The following PHF24 variants were observed in gnomAD, a reference collection of about 807,000 sequenced individuals.
The protein encoded by PHF24 is PHD finger protein 24, also known as Galpha inhibitory interacting protein.
PHF24 carries 25 observed loss-of-function variants against 42.6 expected under a neutral mutation model. The observed-to-expected ratio is 0.59, with a 90% CI of 0.43 to 0.82. The LOEUF (loss-of-function observed/expected upper bound fraction) is 0.82, where lower values mean the gene tolerates loss of function less well. Among genes scored for constraint, PHF24 ranks in the 40% least tolerant of loss-of-function variants. PHF24 has a pLI of 0.00. For synonymous variants in PHF24, 185 were observed against 204.8 expected (o/e 0.90, Z 0.83); for missense variants, 470 against 538.1 (o/e 0.87, Z 1.25).
the PHF24 span, among the ~76,000 whole-genome samples, chr9:34,799,417 C>T: frequency 1.3e-5 from 2 of 152,146 alleles, no homozygotes; most frequent in Non-Finnish European, 2.9e-5. Context: ...TATATAAATA[C>T]TTAATGATAG....
the PHF24 span, among the ~76,000 whole-genome samples, chr9:34,803,744 T>C: frequency 6.6e-6 from 1 of 152,202 alleles, no homozygotes; most frequent in Non-Finnish European, 1.5e-5. Flanking sequence ...CCTATGTCCA[T>C]AAAGCTGGCT....
the PHF24 span, among the ~76,000 whole-genome samples, chr9:34,792,687 AAAG>A: frequency 4.6e-5 from 7 of 152,288 alleles, no homozygotes; most frequent in African/African-American, 1.4e-4. Flanking sequence ...GAAAAAAAAA[AAAG>A]AATCTATGAC....
the PHF24 span, among the ~76,000 whole-genome samples, chr9:34,878,914 C>T: frequency 6.6e-6 from 1 of 152,210 alleles, no homozygotes; most frequent in East Asian, 1.9e-4. Flanking sequence ...CAGACTGCCT[C>T]CTCAAGTGGG....
At chr9:34,788,179 A>T in the PHF24 span, among the ~76,000 whole-genome samples, 2 of 152,054 alleles carry the variant, frequency 1.3e-5, no homozygotes, top group African/African-American at 4.8e-5. Context: ...CTGGGACTAC[A>T]GGTGTGCACC....
chr9:34,850,507 AT>A, the PHF24 span, among the ~76,000 whole-genome samples: 20 of 151,750 alleles, frequency 1.3e-4, no homozygotes, highest in African/African-American at 4.8e-4. Flanking sequence ...ATTTGTCTAA[AT>A]TTTTTTCAAA....
At chr9:34,910,395 TAAGC>T in the PHF24 span, among the ~76,000 whole-genome samples, 1 of 152,194 alleles carries the variant, frequency 6.6e-6, no homozygotes, top group Admixed American at 6.5e-5. Context: ...CTAGTCCAGA[TAAGC>T]AGCCAAAAAT....
At chr9:34,687,845 C>T in the PHF24 span, among the ~76,000 whole-genome samples, 2 of 152,204 alleles carry the variant, frequency 1.3e-5, no homozygotes, top group Non-Finnish European at 2.9e-5. Context: ...AGACCTAGAA[C>T]GCCATGGCTG....
chr9:34,837,586 A>G, the PHF24 span: 5 of 1,257,614 alleles, frequency 4.0e-6, no homozygotes, highest in African/African-American at 6.0e-5. Flanking sequence ...TCCAGGGGTC[A>G]TAGAGGGACA....
At chr9:34,953,580 C>T (rs377273059), upstream of PHF24, among the ~76,000 whole-genome samples, 47 of 152,280 alleles carry the variant, frequency 3.1e-4, no homozygotes, top group African/African-American at 1.1e-3. This position sits in a 1 kb window ranked among gnomAD's most constrained non-coding sequence, Gnocchi z 4.1. Flanking sequence ...GTATTGTTTA[C>T]TGCACCAGGA....
At chr9:34,885,744 T>G in the PHF24 span, among the ~76,000 whole-genome samples, 1 of 152,096 alleles carries the variant, frequency 6.6e-6, no homozygotes, top group Admixed American at 6.5e-5. Context: ...CATTTAGAGC[T>G]TTCTCTGTGA....
At chr9:34,851,636 CT>C in the PHF24 span, among the ~76,000 whole-genome samples, 2 of 152,198 alleles carry the variant, frequency 1.3e-5, no homozygotes, top group African/African-American at 2.4e-5. Context: ...CTGGCACTCC[CT>C]AGTGAGTTGA....
chr9:34,723,361 T>C, the PHF24 span: 15 of 1,551,490 alleles, frequency 9.7e-6, no homozygotes, highest in Middle Eastern at 6.7e-4. Flanking sequence ...CGTCTAGGGA[T>C]TGGGGACCAT....
chr9:34,955,703 T>G (rs1216772670), upstream of PHF24, among the ~76,000 whole-genome samples: 6 of 152,226 alleles, frequency 3.9e-5, no homozygotes, highest in Non-Finnish European at 2.9e-5. Flanking sequence ...CAGGCTGCTC[T>G]CTAGCAACCC....
At chr9:34,925,271 C>T in the PHF24 span, among the ~76,000 whole-genome samples, 589 of 152,148 alleles carry the variant, frequency 3.9e-3, 1 homozygote, top group South Asian at 0.027. Flanking sequence ...TTTTTTATTG[C>T]TGTTTTTAGA....
At chr9:34,920,199 C>T in the PHF24 span, among the ~76,000 whole-genome samples, 1 of 152,130 alleles carries the variant, frequency 6.6e-6, no homozygotes, top group South Asian at 2.1e-4. Context: ...TCTTTTTCTG[C>T]ACATACTTGC....
the PHF24 span, among the ~76,000 whole-genome samples, chr9:34,952,565 T>C: frequency 6.6e-6 from 1 of 152,030 alleles, no homozygotes; most frequent in Non-Finnish European, 1.5e-5. Flanking sequence ...CAAAATTATT[T>C]CAAAAAAGAA....
chr9:34,723,832 C>T, the PHF24 span: 5 of 1,551,596 alleles, frequency 3.2e-6, no homozygotes, highest in South Asian at 1.2e-5. Context: ...CTTGCAGGTC[C>T]TTCTCAGACT....
the PHF24 span, among the ~76,000 whole-genome samples, chr9:34,795,737 C>A: frequency 6.6e-6 from 1 of 152,124 alleles, no homozygotes; most frequent in Non-Finnish European, 1.5e-5. Context: ...TGGCTCACAC[C>A]TGTAATCCCA....
chr9:34,918,085 A>C, the PHF24 span: 1 of 1,527,826 alleles, frequency 6.5e-7, no homozygotes, highest in Non-Finnish European at 9.1e-7. Context: ...ACTGGATTCC[A>C]TGAAACCTCC....
Sources: allele counts gnomAD v4.1 joint callset (sites outside exome capture counted in the v4.1 genomes callset), GRCh38; gene constraint gnomAD v4.1.1; non-coding constraint Gnocchi (gnomAD v3.1); transcripts MANE v1.5; gene names NCBI Gene and HGNC (gene_info 2026-07-23, HGNC 2026-07-21).